The following ADAD1 variants were observed in gnomAD, a reference collection of about 807,000 sequenced individuals.
ADAD1 encodes adenosine deaminase domain containing 1.
A neutral mutation model predicts 66.8 loss-of-function variants in ADAD1; 46 were observed. That is an observed-to-expected ratio of 0.69 (90% CI 0.54 to 0.88). ADAD1 has a LOEUF of 0.88. Ranked by LOEUF, ADAD1 falls within the 40% of genes least tolerant of loss-of-function variation. The pLI, the probability that ADAD1 is intolerant of heterozygous loss-of-function variation, is 0.00. For missense variants in ADAD1, 617 were observed against 681.8 expected (o/e 0.91, Z 1.06); for synonymous variants, 248 against 229.4 (o/e 1.08, Z -0.73).
rs373197517 is a variant in ADAD1, at chr4:122,393,648, G to A, written c.589G>A (p.Val197Ile). 11 of 1,594,360 alleles carry A rather than the reference G, an allele frequency of 6.9e-6. No individual in the cohort carries two copies. The highest frequency in any genetic ancestry group is 8.5e-6 in the Non-Finnish European group (10 of 1,172,670). ...ATCTGAACTAGCATATGTTTCAAAAGTACATTATGGTAGGAAAGTTTTTTG... is the reference window on the plus strand; with the variant it reads ...ATCTGAACTAGCATATGTTTCAAAAATACATTATGGTAGGAAAGTTTTTTG... ...VLSELAYVSK[V>I]HYEGRHIQYA... Residue 197 changes from valine to isoleucine, a missense_variant, in exon 6 of 13, where the codon GTA becomes ATA. Coordinates refer to ENST00000296513, the MANE Select transcript of ADAD1 (RefSeq NM_139243.4).
intron 6 of ADAD1, among the ~76,000 whole-genome samples, chr4:122,393,895 C>G (rs1050084317): frequency 2.6e-5 from 4 of 152,064 alleles, no homozygotes; most frequent in Non-Finnish European, 5.9e-5. Flanking sequence ...GATGTTTTAT[C>G]AATTTCATAC....
Position 122,412,720 on chromosome 4 carries a change from A to G in ADAD1, c.1160A>G (p.Asp387Gly). Residue 387 changes from aspartate (D) to glycine (G), a missense_variant, in exon 10 of 13, where the codon GAC (aspartate) becomes GGC (glycine). Transcript: ENST00000296513. ...VNRISSMSSS[D>G]KLTRWEVLGV... ...AGAATAAGCAGTATGTCCTCAAGTG[A>G]CAAATTGACCAGATGGGAAGTGCTT... The G allele has an allele frequency of 1.2e-6, 2 of 1,613,928 alleles. No individual in the cohort carries two copies. Among genetic ancestry groups the G allele is most frequent in the East Asian group, 2.2e-5 (1 of 44,870 alleles).
intron 8 of ADAD1, 75 bp from the exon 9 acceptor site, chr4:122,411,147 A>G: frequency 1.7e-6 from 2 of 1,190,762 alleles, no homozygotes; most frequent in Non-Finnish European, 2.3e-6. Context: ...CTTCTGACAC[A>G]TGTGGACATG....
chr4:122,409,123 A>G (rs909383600), intron 8 of ADAD1, among the ~76,000 whole-genome samples: 2 of 152,182 alleles, frequency 1.3e-5, no homozygotes, highest in Non-Finnish European at 2.9e-5. Flanking sequence ...TGAGGCTGAC[A>G]TATCTTGAAG....
chr4:122,403,724 G>A (rs1796078931), intron 7 of ADAD1, among the ~76,000 whole-genome samples: 1 of 152,098 alleles, frequency 6.6e-6, no homozygotes, highest in Admixed American at 6.5e-5. Context: ...AGGTTTCTCT[G>A]GCAGTGGATG....
chr4:122,381,144 C>T lies in ADAD1; in HGVS notation c.325C>T (p.Arg109Ter). Residue 109 changes from arginine to a stop codon, truncating the protein, a stop_gained, in exon 4 of 13, where the codon CGA (arginine) becomes TGA (stop). Transcript: ENST00000296513. LOFTEE classifies it high-confidence loss of function. ...CTTGCACCAGTTTGCACAAATGCAG[C>T]GAGTTCAGCTTGACCTTAAGGAAAC... ...SALHQFAQMQ[R>*]VQLDLKETVT... The T allele has an allele frequency of 6.3e-7, 1 of 1,583,802 alleles. No homozygotes were observed.
intron 5 of ADAD1, among the ~76,000 whole-genome samples, chr4:122,389,604 A>G (rs574865049): frequency 8.5e-4 from 130 of 152,332 alleles, no homozygotes; most frequent in Non-Finnish European, 6.5e-4. Context: ...CTTTACCATT[A>G]GGTAATGCCC....
chr4:122,413,433 A>G (rs1796562011), intron 10 of ADAD1, among the ~76,000 whole-genome samples: 1 of 152,138 alleles, frequency 6.6e-6, no homozygotes, highest in Non-Finnish European at 1.5e-5. Context: ...TAATCTGGAA[A>G]AAAATTCTCT....
chr4:122,396,529 A>G, intron 7 of ADAD1, 152 bp downstream of exon 7: 2 of 584,730 alleles, frequency 3.4e-6, no homozygotes, highest in South Asian at 7.2e-5. Context: ...AGCTTCTCCA[A>G]GGTAGAGATA....
intron 8 of ADAD1, among the ~76,000 whole-genome samples, chr4:122,409,431 C>T (rs1199038389): frequency 3.3e-5 from 5 of 151,688 alleles, no homozygotes; most frequent in African/African-American, 7.3e-5. Context: ...ATGTTTATAG[C>T]GTTCATAAGC....
At chr4:122,387,676 T>G (rs2150536561) in intron 5 of ADAD1, among the ~76,000 whole-genome samples, 2 of 152,238 alleles carry the variant, frequency 1.3e-5, no homozygotes, top group South Asian at 4.2e-4. Flanking sequence ...ATATTGGCTT[T>G]GGTTTGTCAT....
intron 2 of ADAD1, 27 bp downstream of exon 2, chr4:122,379,472 G>GGGGGCGCAAGCCCGGGTCCTGCA: frequency 6.6e-6 from 1 of 152,550 alleles, no homozygotes; most frequent in Non-Finnish European, 1.5e-5. Context: ...AGCAGGGCGC[G>GGGGGCGCAAGCCCGGGTCCTGCA]GGGGCGCAAG....
intron 10 of ADAD1, among the ~76,000 whole-genome samples, chr4:122,414,053 A>G (rs925937302): frequency 6.6e-6 from 1 of 150,604 alleles, no homozygotes; most frequent in African/African-American, 2.4e-5. Flanking sequence ...CTCAAGATGT[A>G]TTAAAATCAT....
At chr4:122,416,455 G>A (rs1017573018) in intron 11 of ADAD1, among the ~76,000 whole-genome samples, 11 of 152,208 alleles carry the variant, frequency 7.2e-5, no homozygotes, top group African/African-American at 2.4e-4. Context: ...TAGCAGTCAA[G>A]AAAGCTCATA....
chr4:122,419,667 C>T (rs1446037701), intron 11 of ADAD1, among the ~76,000 whole-genome samples: 3 of 152,134 alleles, frequency 2.0e-5, no homozygotes, highest in Non-Finnish European at 4.4e-5. Flanking sequence ...ATGTTTTATA[C>T]AGTAACACCA....
rs1796449931 is a variant in ADAD1 at position 122,411,215 on chromosome 4, A to T, written c.849-7A>T. ...ATTACTTGACAAAATTATAACATTT[A>T]TTTTAGGTACTTTTATAGACAACTT... On this transcript the variant is annotated splice_region_variant and splice_polypyrimidine_tract_variant and intron_variant, in intron 8 of 12. Transcript: ENST00000296513. 2 of 1,578,396 alleles carry T rather than the reference A, an allele frequency of 1.3e-6. No individual in the cohort carries two copies. Among genetic ancestry groups the T allele is most frequent in the East Asian group, 2.2e-5 (1 of 44,474 alleles).
chr4:122,392,675 C>T lies in ADAD1; in HGVS notation c.530-914C>T, dbSNP rs576125900. Among the ~76,000 whole-genome samples, 8 of 152,232 alleles carry T rather than the reference C, an allele frequency of 5.3e-5. No homozygotes were observed. The South Asian group carries it at 1.7e-3, about 32-fold the overall frequency. ...GCAGTATTCCCATTTAACAAACCTACACATGTACCTCCTGTATCTAAAAAG... is the reference window on the plus strand; with the variant it reads ...GCAGTATTCCCATTTAACAAACCTATACATGTACCTCCTGTATCTAAAAAG... On this transcript the variant is annotated intron_variant, in intron 5 of 12. Transcript: ENST00000296513.
At chr4:122,380,859 A>G (rs931791056) in intron 3 of ADAD1, 133 bp from the exon 4 acceptor site, 63 of 803,000 alleles carry the variant, frequency 7.8e-5, no homozygotes, top group Non-Finnish European at 4.8e-5. Flanking sequence ...AAAATTGTTT[A>G]GTAGAAACTT....
intron 5 of ADAD1, among the ~76,000 whole-genome samples, chr4:122,392,009 C>G (rs916195024): frequency 5.3e-5 from 8 of 152,156 alleles, no homozygotes; most frequent in Non-Finnish European, 1.0e-4. Flanking sequence ...CATGCCTGAC[C>G]TTGTACTTGG....
Sources: gnomAD v4.1 joint callset for allele counts (sites outside exome capture counted in the v4.1 genomes callset) on GRCh38, gnomAD v4.1.1 for gene constraint, MANE v1.5 for transcripts, NCBI Gene and HGNC (gene_info 2026-07-23, HGNC 2026-07-21) for gene names.